Variants in RAB3C observed in about 807,000 individuals in gnomAD.
The protein encoded by RAB3C is RAB3C, member RAS oncogene family, also known as ras-related protein Rab-3C.
RAB3C carries 17 observed loss-of-function variants against 26.4 expected under a neutral mutation model. The ratio of observed to expected loss-of-function variants is 0.64; its 90% CI spans 0.44 to 0.97. The LOEUF (loss-of-function observed/expected upper bound fraction) is 0.97. Among genes scored for constraint, RAB3C ranks in the 50% least tolerant of loss-of-function variants. The pLI is 0.00. For synonymous variants in RAB3C, 91 were observed against 95.9 expected (o/e 0.95, Z 0.30); for missense variants, 242 against 281.9 (o/e 0.86, Z 1.01).
intron 2 of RAB3C, among the ~76,000 whole-genome samples, chr5:58,694,182 G>T (rs1748641613): frequency 6.6e-6 from 1 of 152,158 alleles, no homozygotes. Context: ...AGAACATGCA[G>T]TCTTTGGTTT....
intron 2 of RAB3C, among the ~76,000 whole-genome samples, chr5:58,658,570 T>C (rs1034387922): frequency 6.6e-6 from 1 of 152,198 alleles, no homozygotes; most frequent in Non-Finnish European, 1.5e-5. Flanking sequence ...ATCAGTTATC[T>C]CTTACAGCCT....
chr5:58,806,964 G>A (rs115251524), intron 3 of RAB3C, among the ~76,000 whole-genome samples: 2 of 152,168 alleles, frequency 1.3e-5, no homozygotes, highest in Non-Finnish European at 2.9e-5. Flanking sequence ...GAATGCAGAG[G>A]TACCAACAGG....
intron 2 of RAB3C, among the ~76,000 whole-genome samples, chr5:58,718,435 T>A (rs1749218993): frequency 6.6e-6 from 1 of 151,996 alleles, no homozygotes; most frequent in Admixed American, 6.6e-5. Context: ...CAAAGGCCCC[T>A]TATAAAAAAG....
intron 1 of RAB3C, among the ~76,000 whole-genome samples, chr5:58,585,074 C>T (rs1299378001): frequency 6.6e-6 from 1 of 151,860 alleles, no homozygotes; most frequent in Non-Finnish European, 1.5e-5. Flanking sequence ...TATTTTTAGT[C>T]GTTGGACTAA....
At chr5:58,793,912 C>G (rs1423374) in intron 3 of RAB3C, among the ~76,000 whole-genome samples, 72,606 of 151,848 alleles carry the variant, frequency 0.48, 18,541 homozygotes, top group African/African-American at 0.67. Flanking sequence ...TATTGTCTAT[C>G]TTCTTATTTT....
chr5:58,653,654 T>C (rs1369733381), intron 2 of RAB3C, among the ~76,000 whole-genome samples: 2 of 152,174 alleles, frequency 1.3e-5, no homozygotes, highest in Non-Finnish European at 2.9e-5. Flanking sequence ...TGCAGGAATA[T>C]GGATGAAGCT....
At chr5:58,813,611 TATATATATATATATATATATATAC>T (rs1270909121) in intron 3 of RAB3C, among the ~76,000 whole-genome samples, 22,098 of 75,174 alleles carry the variant, frequency 0.29, 2,442 homozygotes, top group Non-Finnish European at 0.35. Context: ...TATATATATA[TATATATATATATATATATATATAC>T]ACACACACAC....
At chr5:58,743,048 G>A (rs1741309798) in intron 3 of RAB3C, among the ~76,000 whole-genome samples, 1 of 152,170 alleles carries the variant, frequency 6.6e-6, no homozygotes, top group Admixed American at 6.5e-5. Context: ...GTCTGATGAG[G>A]AGAGCTGAGA....
At chr5:58,609,115 A>G (rs1348147984) in intron 1 of RAB3C, among the ~76,000 whole-genome samples, 1 of 152,132 alleles carries the variant, frequency 6.6e-6, no homozygotes, top group Non-Finnish European at 1.5e-5. Context: ...GGTGCAGCAA[A>G]CCAACATGGC....
intron 4 of RAB3C, among the ~76,000 whole-genome samples, chr5:58,840,891 T>G (rs371332226): frequency 4.6e-5 from 7 of 152,354 alleles, no homozygotes; most frequent in South Asian, 2.1e-4. Context: ...TATGGTACTG[T>G]TACTCTTGCC....
chr5:58,730,871 T>A (rs1741001812), intron 3 of RAB3C, among the ~76,000 whole-genome samples: 1 of 152,148 alleles, frequency 6.6e-6, no homozygotes, highest in African/African-American at 2.4e-5. Context: ...TTTAATTGAC[T>A]CACAGTTCCA....
At chr5:58,847,868 T>TTAA (rs1400103091) in intron 4 of RAB3C, among the ~76,000 whole-genome samples, 1 of 152,016 alleles carries the variant, frequency 6.6e-6, no homozygotes, top group Non-Finnish European at 1.5e-5. Flanking sequence ...ATTTATTTAT[T>TTAA]TATTTGAGAT....
intron 2 of RAB3C, among the ~76,000 whole-genome samples, chr5:58,719,403 C>T (rs1418994785): frequency 2.0e-5 from 3 of 151,906 alleles, no homozygotes; most frequent in Admixed American, 6.6e-5. Context: ...CCATAGACCA[C>T]CTTGAATTTT....
At chr5:58,672,139 G>C (rs527457614) in intron 2 of RAB3C, among the ~76,000 whole-genome samples, 1 of 152,256 alleles carries the variant, frequency 6.6e-6, no homozygotes, top group African/African-American at 2.4e-5. Flanking sequence ...AAAGTAGACT[G>C]TTTCAATGTT....
Position 58,852,758 on chromosome 5 carries a change from T to A in RAB3C, c.*1407T>A, listed in dbSNP as rs1344379152. The A allele has an allele frequency of 2.6e-5, 4 of 152,228 alleles. No individual in the cohort carries two copies. 9.4% of individuals were successfully genotyped at this position (152,228 alleles called of 1,614,324 possible). A position where few individuals can be genotyped will look rare whatever the true frequency, so the allele number is the denominator to read the frequency against. Reference sequence around the variant, plus strand: ...CTCTGTATCACTGTCCAGCATTATTTAAAGCTAGGATTTAGGAAGGAAGCA... The same window carrying A: ...CTCTGTATCACTGTCCAGCATTATTAAAAGCTAGGATTTAGGAAGGAAGCA... On this transcript the variant is annotated 3_prime_UTR_variant, in exon 5 of 5. Transcript: ENST00000282878.
In RAB3C at chr5:58,617,571, T is replaced by C. The variant is rs1334997286; in HGVS notation, c.25-72T>C. 4 of 1,197,904 alleles carry C rather than the reference T, an allele frequency of 3.3e-6. No individual in the cohort carries two copies. The East Asian group carries it at 9.3e-5, about 28-fold the overall frequency. The allele number at this position is 1,197,904 out of a possible 1,614,324, so 74.2% of individuals were successfully genotyped here. On this transcript the variant is annotated intron_variant, in intron 1 of 4. Coordinates refer to ENST00000282878, the MANE Select transcript of RAB3C (RefSeq NM_138453.4). ...CTGGCAAGGCCAATAATGAGTATGC[T>C]GCTAGCTTCATATCAAATGAGAGTC...
At chr5:58,678,332 CA>C (rs1368477950) in intron 2 of RAB3C, among the ~76,000 whole-genome samples, 4 of 152,076 alleles carry the variant, frequency 2.6e-5, no homozygotes, top group African/African-American at 4.8e-5. Flanking sequence ...TATTATGCTA[CA>C]AATAGCTGAA....
chr5:58,667,305 G>A (rs2111817586), intron 2 of RAB3C, among the ~76,000 whole-genome samples: 1 of 152,288 alleles, frequency 6.6e-6, no homozygotes, highest in East Asian at 1.9e-4. Flanking sequence ...TACTAAGCAG[G>A]CTTCTGGGAA....
intron 3 of RAB3C, among the ~76,000 whole-genome samples, chr5:58,788,630 T>C (rs1302522049): frequency 5.3e-5 from 8 of 152,188 alleles, no homozygotes; most frequent in African/African-American, 1.9e-4. Flanking sequence ...AAATATGCAT[T>C]TCAAATGCAC....
Sources: allele counts gnomAD v4.1 joint callset (sites outside exome capture counted in the v4.1 genomes callset), GRCh38; gene constraint gnomAD v4.1.1; transcripts MANE v1.5; gene names NCBI Gene and HGNC (gene_info 2026-07-23, HGNC 2026-07-21).